Variants in GHR observed in about 807,000 individuals in gnomAD.
The protein encoded by GHR is GH receptor.
In GHR, 35 loss-of-function variants were observed where a neutral mutation model predicts 67.1. That is an observed-to-expected ratio of 0.52 (90% CI 0.40 to 0.69). The LOEUF (loss-of-function observed/expected upper bound fraction) is 0.69. GHR is among the 30% of genes least tolerant of loss of function. The probability of loss-of-function intolerance (pLI) is 0.00; values close to 1 mark genes in which losing one functional copy is unlikely to be tolerated. For synonymous variants in GHR, 272 were observed against 269.1 expected (o/e 1.01, Z -0.10); for missense variants, 792 against 764.6 (o/e 1.04, Z -0.42).
chr5:42,477,059 T>A (rs1176624839), intron 1 of GHR, among the ~76,000 whole-genome samples: 12 of 117,870 alleles, frequency 1.0e-4, no homozygotes, highest in Non-Finnish European at 1.3e-4. Context: ...CAGTCCCCAG[T>A]GTGTGATGTT....
intron 1 of GHR, among the ~76,000 whole-genome samples, chr5:42,477,320 C>T (rs1216539380): frequency 5.3e-5 from 8 of 151,870 alleles, no homozygotes; most frequent in South Asian, 2.1e-4. Flanking sequence ...TTTGCTATTG[C>T]GAATAGTGCC....
In GHR at chr5:42,468,252, C is replaced by T; in HGVS notation, c.-12+44297C>T. ...CCTGATCTGGGAAGTTTTCTTCTTC[C>T]TCCTCCTCCTTTTTCACCTTCACTG... is the stretch of plus-strand genomic sequence containing the variant. On this transcript the variant is annotated intron_variant, in intron 1 of 9. Coordinates refer to ENST00000230882, the MANE Select transcript of GHR (RefSeq NM_000163.5). 5.2e-6 allele frequency: 8 copies of T among 1,546,976 alleles called. No homozygotes were observed. The Admixed American group carries it at 1.0e-4, about 20-fold the overall frequency.
intron 1 of GHR, among the ~76,000 whole-genome samples, chr5:42,531,937 G>C (rs1219311971): frequency 6.6e-6 from 1 of 151,960 alleles, no homozygotes; most frequent in African/African-American, 2.4e-5. Context: ...GGAGTACTTG[G>C]GCAGTTGAAT....
At chr5:42,462,694 G>T in intron 1 of GHR, among the ~76,000 whole-genome samples, 1 of 146,574 alleles carries the variant, frequency 6.8e-6, no homozygotes. Context: ...AAATGTGTGT[G>T]TGCGTGTGCT....
chr5:42,528,131 A>G (rs566502677), intron 1 of GHR, among the ~76,000 whole-genome samples: 14 of 152,314 alleles, frequency 9.2e-5, no homozygotes, highest in South Asian at 2.1e-4. Context: ...TCTGCAGCCT[A>G]TGTATCAAGG....
At chr5:42,533,898 A>T (rs575271813) in intron 1 of GHR, among the ~76,000 whole-genome samples, 1 of 148,612 alleles carries the variant, frequency 6.7e-6, no homozygotes, top group East Asian at 2.0e-4. Flanking sequence ...CTCATAGCTT[A>T]GCCCCCACAT....
At chr5:42,443,313 T>C (rs1356875900) in intron 1 of GHR, among the ~76,000 whole-genome samples, 1 of 152,180 alleles carries the variant, frequency 6.6e-6, no homozygotes, top group Non-Finnish European at 1.5e-5. Context: ...ATTTCCTAGT[T>C]AGGAAAACTT....
At chr5:42,623,242 T>G (rs1225052107) in intron 2 of GHR, among the ~76,000 whole-genome samples, 2 of 152,110 alleles carry the variant, frequency 1.3e-5, no homozygotes, top group African/African-American at 4.8e-5. Context: ...CCTAGATACG[T>G]GTTTCTGTTG....
intron 1 of GHR, among the ~76,000 whole-genome samples, chr5:42,550,670 C>A (rs936315788): frequency 2.0e-5 from 3 of 152,082 alleles, no homozygotes; most frequent in African/African-American, 7.2e-5. Flanking sequence ...GTTTGTCTTT[C>A]AAAAGTAGAG....
chr5:42,465,960 C>T (rs920058061), intron 1 of GHR: 41 of 665,926 alleles, frequency 6.2e-5, no homozygotes, highest in Non-Finnish European at 9.6e-5. Flanking sequence ...TTCCCTTCAC[C>T]GTGAAGTTGT....
At chr5:42,572,595 C>T (rs1750390429) in intron 2 of GHR, among the ~76,000 whole-genome samples, 3 of 152,184 alleles carry the variant, frequency 2.0e-5, no homozygotes, top group Non-Finnish European at 4.4e-5. Flanking sequence ...GCTTAGAGCA[C>T]TTCTTCAGCC....
At chr5:42,622,152 AG>A (rs1258388409) in intron 2 of GHR, among the ~76,000 whole-genome samples, 1 of 152,142 alleles carries the variant, frequency 6.6e-6, no homozygotes, top group Non-Finnish European at 1.5e-5. Context: ...GAGCAAAAGG[AG>A]GGGGCCTGGC....
chr5:42,670,880 A>AT (rs58161451), intron 3 of GHR, among the ~76,000 whole-genome samples: 29,181 of 117,990 alleles, frequency 0.25, 3,585 homozygotes, highest in Middle Eastern at 0.36. Flanking sequence ...AAAAAAAAAA[A>AT]ATATATATAT....
Position 42,653,190 on chromosome 5 carries a change from A to G in GHR, c.136+24087A>G, listed in dbSNP as rs1038040955. On this transcript the variant is annotated intron_variant, in intron 3 of 9. Coordinates refer to ENST00000230882, the MANE Select transcript of GHR (RefSeq NM_000163.5). ...TTTAGTATGTGGATAATAGTAGCAG[A>G]ATTTCCTGAATGAGACATGTTAAAC... 2.6e-5 allele frequency among the ~76,000 whole-genome samples: 4 copies of G among 152,272 alleles called. No individual in the cohort carries two copies. The South Asian group carries it at 8.3e-4, about 32-fold the overall frequency.
At chr5:42,467,316 A>G in intron 1 of GHR, 1 of 1,094,408 alleles carries the variant, frequency 9.1e-7, no homozygotes, top group South Asian at 1.2e-5. Context: ...TCTCACCAGT[A>G]TGGCTTCGCT....
chr5:42,497,287 C>T (rs1746360861), intron 1 of GHR, among the ~76,000 whole-genome samples: 1 of 152,082 alleles, frequency 6.6e-6, no homozygotes, highest in Non-Finnish European at 1.5e-5. Context: ...TTACATTAAT[C>T]CTGGAACTTT....
chr5:42,507,195 A>G (rs1746815108), intron 1 of GHR, among the ~76,000 whole-genome samples: 1 of 152,360 alleles, frequency 6.6e-6, no homozygotes, highest in East Asian at 1.9e-4. Flanking sequence ...TGTTGTCAGA[A>G]TGATTACAGT....
chr5:42,694,715 C>T (rs537638609), intron 4 of GHR, among the ~76,000 whole-genome samples: 51 of 152,260 alleles, frequency 3.3e-4, no homozygotes, highest in African/African-American at 1.1e-3. Flanking sequence ...GGCAGAAGTA[C>T]CAAACGGCCT....
At chr5:42,482,473 C>G (rs866957751) in intron 1 of GHR, among the ~76,000 whole-genome samples, 8 of 152,190 alleles carry the variant, frequency 5.3e-5, no homozygotes, top group African/African-American at 1.9e-4. Context: ...GTGCCCTGCC[C>G]TCAGAGAGGG....
Sources: gnomAD v4.1 joint callset for allele counts (sites outside exome capture counted in the v4.1 genomes callset) on GRCh38, gnomAD v4.1.1 for gene constraint, MANE v1.5 for transcripts, NCBI Gene and HGNC (gene_info 2026-07-23, HGNC 2026-07-21) for gene names.